Variants in TRDN observed in about 807,000 individuals in gnomAD.
TRDN encodes the protein triadin, also known as triadin in skeletal muscle.
A neutral mutation model predicts 149.7 loss-of-function variants in TRDN; 161 were observed. That is an observed-to-expected ratio of 1.08 (90% CI 0.95 to 1.23). The LOEUF is 1.23. Ranked by LOEUF, TRDN falls within the 50% of genes most tolerant of loss-of-function variation. The pLI, the probability that TRDN is intolerant of heterozygous loss-of-function variation, is 0.00. For synonymous variants in TRDN, 294 were observed against 250.5 expected (o/e 1.17, Z -1.64); for missense variants, 896 against 823.5 (o/e 1.09, Z -1.08).
intron 1 of TRDN, among the ~76,000 whole-genome samples, chr6:123,608,223 T>C (rs1489788003): frequency 6.6e-6 from 1 of 151,756 alleles, no homozygotes; most frequent in Non-Finnish European, 1.5e-5. Flanking sequence ...GTAAATTATT[T>C]AGTATCTCTG....
chr6:123,466,650 T>C (rs1776835984), intron 9 of TRDN, among the ~76,000 whole-genome samples: 2 of 152,012 alleles, frequency 1.3e-5, no homozygotes, highest in Admixed American at 6.6e-5. Flanking sequence ...GAAAGATCTA[T>C]TCCCCAACCT....
intron 9 of TRDN, among the ~76,000 whole-genome samples, chr6:123,472,681 T>A (rs1016740479): frequency 2.0e-5 from 3 of 152,232 alleles, no homozygotes; most frequent in African/African-American, 7.2e-5. Flanking sequence ...TAAATGTCCC[T>A]GTCTGACAGC....
intron 24 of TRDN, among the ~76,000 whole-genome samples, chr6:123,287,199 G>A (rs537707095): frequency 3.0e-4 from 46 of 152,172 alleles, no homozygotes; most frequent in African/African-American, 1.1e-3. Flanking sequence ...TTAAGATACT[G>A]GACCCATTTC....
intron 22 of TRDN, among the ~76,000 whole-genome samples, chr6:123,332,314 C>CA (rs5879672): frequency 0.93 from 141,127 of 151,936 alleles, 65,603 homozygotes; most frequent in East Asian, 0.99. Flanking sequence ...CACATTTTGT[C>CA]AAAAAATAAA....
intron 38 of TRDN, among the ~76,000 whole-genome samples, chr6:123,247,432 A>C (rs1446693879): frequency 6.6e-6 from 1 of 152,208 alleles, no homozygotes; most frequent in Non-Finnish European, 1.5e-5. Context: ...TGCAAAAATC[A>C]CAAGAATTCC....
At chr6:123,612,926 C>T (rs1784890495) in intron 1 of TRDN, among the ~76,000 whole-genome samples, 1 of 152,112 alleles carries the variant, frequency 6.6e-6, no homozygotes. Context: ...TATGAAACTG[C>T]TTGAGGTGGT....
At chr6:123,495,229 A>T (rs1289884740) in intron 9 of TRDN, among the ~76,000 whole-genome samples, 1 of 151,262 alleles carries the variant, frequency 6.6e-6, no homozygotes, top group Admixed American at 6.6e-5. Flanking sequence ...AATTTTTATA[A>T]TTTTTTTTGC....
At chr6:123,281,464 G>C (rs762763457) in intron 24 of TRDN, among the ~76,000 whole-genome samples, 1 of 152,000 alleles carries the variant, frequency 6.6e-6, no homozygotes, top group Non-Finnish European at 1.5e-5. Flanking sequence ...ACATAGCTAT[G>C]TGCTCTGGCT....
intron 22 of TRDN, among the ~76,000 whole-genome samples, 157 bp downstream of exon 22, chr6:123,337,462 G>A (rs547542763): frequency 1.3e-5 from 2 of 151,782 alleles, no homozygotes; most frequent in Non-Finnish European, 2.9e-5. Context: ...AATAATTTTA[G>A]AGACAAACAA....
chr6:123,315,852 G>T (rs1428630423), intron 24 of TRDN, among the ~76,000 whole-genome samples: 1 of 151,772 alleles, frequency 6.6e-6, no homozygotes, highest in Non-Finnish European at 1.5e-5. Context: ...CTAATCTCTT[G>T]ACTTCTTCCC....
intron 23 of TRDN, among the ~76,000 whole-genome samples, chr6:123,330,699 CA>C (rs1779629122): frequency 6.6e-6 from 1 of 151,956 alleles, no homozygotes; most frequent in Non-Finnish European, 1.5e-5. Context: ...TCTTACATTT[CA>C]TTAAATAACA....
At chr6:123,285,238 G>T (rs1252672390) in intron 24 of TRDN, among the ~76,000 whole-genome samples, 9 of 151,844 alleles carry the variant, frequency 5.9e-5, no homozygotes, top group Non-Finnish European at 1.5e-5. Flanking sequence ...GCCAAAGCAA[G>T]ACTAAGCAAA....
At chr6:123,434,973 G>A (rs1774492071) in intron 12 of TRDN, among the ~76,000 whole-genome samples, 1 of 151,672 alleles carries the variant, frequency 6.6e-6, no homozygotes, top group Non-Finnish European at 1.5e-5. Flanking sequence ...GAGATCACTG[G>A]CAAAGTGTGA....
In TRDN at chr6:123,506,868, A is replaced by G. The variant is rs540143616; in HGVS notation, c.611-2967T>C. Reference sequence around the variant, plus strand: ...TTTCTGAATTTTTATTAAATTATACATTTTATTCTTTATTATATATCTTGA... The same window carrying G: ...TTTCTGAATTTTTATTAAATTATACGTTTTATTCTTTATTATATATCTTGA... On this transcript the variant is annotated intron_variant, in intron 7 of 40. Transcript: ENST00000334268. Among the ~76,000 whole-genome samples the G allele has an allele frequency of 5.9e-5, 9 of 152,194 alleles. No homozygotes were observed. The South Asian group carries it at 1.9e-3, about 32-fold the overall frequency.
intron 36 of TRDN, among the ~76,000 whole-genome samples, 179 bp downstream of exon 36, chr6:123,255,688 G>A (rs376972501): frequency 2.0e-5 from 3 of 151,894 alleles, no homozygotes; most frequent in African/African-American, 7.3e-5. Flanking sequence ...TGACACTGCC[G>A]TTACTACACA....
At chr6:123,615,184 T>C (rs1216852794) in intron 1 of TRDN, among the ~76,000 whole-genome samples, 1 of 152,136 alleles carries the variant, frequency 6.6e-6, no homozygotes, top group East Asian at 1.9e-4. Flanking sequence ...AAGGGAACTC[T>C]CACACACTGT....
At chr6:123,456,105 A>G (rs1047718346) in intron 10 of TRDN, among the ~76,000 whole-genome samples, 1 of 152,208 alleles carries the variant, frequency 6.6e-6, no homozygotes, top group Non-Finnish European at 1.5e-5. Context: ...ATAAATTAAT[A>G]AGACCCAATA....
chr6:123,583,361 A>G (rs1250523917), intron 1 of TRDN, among the ~76,000 whole-genome samples: 12 of 152,088 alleles, frequency 7.9e-5, no homozygotes, highest in Admixed American at 7.9e-4. Context: ...CCTAATAAAA[A>G]GGAACGTCTA....
intron 1 of TRDN, among the ~76,000 whole-genome samples, chr6:123,622,549 C>G (rs1199670888): frequency 6.6e-6 from 1 of 151,942 alleles, no homozygotes; most frequent in Non-Finnish European, 1.5e-5. Context: ...CTTTCAGAGT[C>G]TGTATTTTAC....
Sources: gnomAD v4.1 joint callset for allele counts (sites outside exome capture counted in the v4.1 genomes callset) on GRCh38, gnomAD v4.1.1 for gene constraint, MANE v1.5 for transcripts, NCBI Gene and HGNC (gene_info 2026-07-23, HGNC 2026-07-21) for gene names.